GLMN: variants seen among roughly 807,000 people sequenced by gnomAD.
GLMN encodes glomulin, FKBP associated protein.
Under a neutral mutation model 87.8 loss-of-function variants are expected in GLMN, and 75 were observed. The ratio of observed to expected loss-of-function variants is 0.85; its 90% CI spans 0.71 to 1.04. The LOEUF (loss-of-function observed/expected upper bound fraction) is 1.04, where lower values mean the gene tolerates loss of function less well. GLMN is among the 50% of genes least tolerant of loss of function. The pLI, the probability that GLMN is intolerant of heterozygous loss-of-function variation, is 0.00. For synonymous variants in GLMN, 206 were observed against 221.6 expected, an observed-to-expected ratio of 0.93 and a Z score of 0.63; for missense variants, 588 against 658.8, an observed-to-expected ratio of 0.89 and a Z score of 1.18.
intron 7 of GLMN, among the ~76,000 whole-genome samples, chr1:92,279,395 T>G (rs1647687032): frequency 7.1e-6 from 1 of 140,804 alleles, no homozygotes; most frequent in South Asian, 2.3e-4. Context: ...AGGTGGAGGT[T>G]GCAGTGAGCT....
chr1:92,294,569 CTTTTTA>C (rs1224142385), intron 3 of GLMN, among the ~76,000 whole-genome samples: 11 of 151,952 alleles, frequency 7.2e-5, no homozygotes, highest in Non-Finnish European at 1.6e-4. Flanking sequence ...AATAGTAAAT[CTTTTTA>C]TTTTTATTTT....
At chr1:92,360,280 T>C in the GLMN span, among the ~76,000 whole-genome samples, 1 of 152,196 alleles carries the variant, frequency 6.6e-6, no homozygotes, top group Non-Finnish European at 1.5e-5. Context: ...AGGACTGTGG[T>C]CCTGGCAATT....
At chr1:92,279,953 G>C (rs1647797819) in intron 7 of GLMN, among the ~76,000 whole-genome samples, 1 of 152,260 alleles carries the variant, frequency 6.6e-6, no homozygotes, top group South Asian at 2.1e-4. Flanking sequence ...AAACAAAGAG[G>C]CCTGGAAGCA....
At chr1:92,293,767 T>C (rs1649701263) in intron 3 of GLMN, among the ~76,000 whole-genome samples, 1 of 152,190 alleles carries the variant, frequency 6.6e-6, no homozygotes, top group Admixed American at 6.5e-5. Flanking sequence ...AATGGAGTAC[T>C]ATTTGGCCAC....
chr1:92,368,765 A>G, the GLMN span, among the ~76,000 whole-genome samples: 1 of 152,208 alleles, frequency 6.6e-6, no homozygotes, highest in East Asian at 1.9e-4. Flanking sequence ...ACTTGTCCTA[A>G]CCTGATTTAC....
chr1:92,271,850 G>A (rs1428197793), intron 7 of GLMN, among the ~76,000 whole-genome samples, 198 bp from the exon 8 acceptor site: 3 of 152,144 alleles, frequency 2.0e-5, no homozygotes, highest in Middle Eastern at 3.2e-3. Flanking sequence ...TGACAAAAGT[G>A]AAGGGGTTTT....
chr1:92,257,024 A>C (rs1654367316), intron 16 of GLMN, among the ~76,000 whole-genome samples: 1 of 152,334 alleles, frequency 6.6e-6, no homozygotes, highest in Admixed American at 6.5e-5. Context: ...CCAGTGCAAA[A>C]TCTCCTTAAG....
chr1:92,259,290 T>C (rs116017281), intron 16 of GLMN, among the ~76,000 whole-genome samples: 2,136 of 152,294 alleles, frequency 0.014, 52 homozygotes, highest in African/African-American at 0.048. Flanking sequence ...TAGATAATAT[T>C]TGGTATAAAA....
At chr1:92,276,358 T>C (rs1156445298) in intron 7 of GLMN, among the ~76,000 whole-genome samples, 1 of 152,148 alleles carries the variant, frequency 6.6e-6, no homozygotes. Context: ...AAAAAATTAT[T>C]GTTAATCTTG....
intron 16 of GLMN, among the ~76,000 whole-genome samples, chr1:92,256,567 G>C (rs1368993568): frequency 2.0e-5 from 3 of 152,156 alleles, no homozygotes; most frequent in African/African-American, 4.8e-5. Context: ...TGATCAAGTT[G>C]GCTTCATCCC....
the GLMN span, among the ~76,000 whole-genome samples, chr1:92,309,562 C>T: frequency 3.0e-4 from 6 of 20,100 alleles, no homozygotes; most frequent in Non-Finnish European, 4.7e-4. Flanking sequence ...CATACACATA[C>T]ACATACACAT....
At chr1:92,351,691 G>A in the GLMN span, among the ~76,000 whole-genome samples, 2 of 152,114 alleles carry the variant, frequency 1.3e-5, no homozygotes, top group Non-Finnish European at 2.9e-5. Context: ...ACAGGGAAAC[G>A]TCCAGACCAA....
intron 8 of GLMN, among the ~76,000 whole-genome samples, chr1:92,270,056 G>A (rs561229167): frequency 3.3e-5 from 5 of 152,266 alleles, no homozygotes; most frequent in Admixed American, 3.3e-4. Flanking sequence ...AACAGCATAC[G>A]AACATGAAGG....
At chr1:92,257,751 A>G (rs559011255) in intron 16 of GLMN, among the ~76,000 whole-genome samples, 2 of 152,348 alleles carry the variant, frequency 1.3e-5, no homozygotes, top group South Asian at 2.1e-4. Flanking sequence ...TTAACTTGAC[A>G]TGGATTAAAG....
At chr1:92,358,929 A>G in the GLMN span, among the ~76,000 whole-genome samples, 1,279 of 152,222 alleles carry the variant, frequency 8.4e-3, 15 homozygotes, top group Non-Finnish European at 0.014. Context: ...GAAAAAACAA[A>G]TAGACCTATC....
upstream of GLMN, among the ~76,000 whole-genome samples, chr1:92,303,568 A>T (rs1325637496): frequency 6.7e-6 from 1 of 149,830 alleles, no homozygotes; most frequent in Admixed American, 6.6e-5. Context: ...ATTATGCTTT[A>T]AAAAATAGGT....
the GLMN span, chr1:92,345,949 A>T: frequency 1.4e-6 from 2 of 1,408,788 alleles, no homozygotes; most frequent in Non-Finnish European, 2.0e-6. Flanking sequence ...TCTAAATACT[A>T]AATGTGAAGC....
At chr1:92,293,996 C>CAA (rs755356697) in intron 3 of GLMN, among the ~76,000 whole-genome samples, 10 of 103,502 alleles carry the variant, frequency 9.7e-5, no homozygotes, top group African/African-American at 1.6e-4. Flanking sequence ...TAATGGGTAC[C>CAA]AAAAAAAAAA....
chr1:92,318,063 T>G, the GLMN span, among the ~76,000 whole-genome samples: 1 of 152,192 alleles, frequency 6.6e-6, no homozygotes, highest in African/African-American at 2.4e-5. Flanking sequence ...CTAGCTCTAT[T>G]CTTCTGAGTT....
Sources: allele counts gnomAD v4.1 joint callset (sites outside exome capture counted in the v4.1 genomes callset), GRCh38; gene constraint gnomAD v4.1.1; transcripts MANE v1.5; gene names NCBI Gene and HGNC (gene_info 2026-07-23, HGNC 2026-07-21).